SLC9B2: variants seen among roughly 807,000 people sequenced by gnomAD.
SLC9B2 encodes sodium/hydrogen exchanger 9B2.
A neutral mutation model predicts 52.2 loss-of-function variants in SLC9B2; 39 were observed. The ratio of observed to expected loss-of-function variants is 0.75; its 90% confidence interval spans 0.58 to 0.98. The LOEUF is 0.98. Among genes scored for constraint, SLC9B2 ranks in the 50% least tolerant of loss-of-function variants. SLC9B2 has a pLI of 0.00. For synonymous variants in SLC9B2, 214 were observed against 227.0 expected, an observed-to-expected ratio of 0.94 and a Z score of 0.51; for missense variants, 626 against 637.5, an observed-to-expected ratio of 0.98 and a Z score of 0.19.
chr4:103,066,973 A>T (rs7667567), intron 2 of SLC9B2, among the ~76,000 whole-genome samples: 47 of 152,006 alleles, frequency 3.1e-4, no homozygotes, highest in African/African-American at 9.6e-4. Context: ...ATATCTCATT[A>T]GGTGCATGCA....
At chr4:103,051,411 A>G (rs564639150) in intron 4 of SLC9B2, among the ~76,000 whole-genome samples, 97 of 152,306 alleles carry the variant, frequency 6.4e-4, no homozygotes, top group Non-Finnish European at 1.2e-3. Context: ...TTATTTTGTG[A>G]TGCAAGATGG....
chr4:103,018,607 C>A (rs1741533357), downstream of SLC9B2, among the ~76,000 whole-genome samples: 1 of 152,154 alleles, frequency 6.6e-6, no homozygotes, highest in South Asian at 2.1e-4. Context: ...CCACCTGGGC[C>A]AGTTGTCTCC....
Position 103,043,362 on chromosome 4 carries a change from A to G in SLC9B2, c.1080T>C (p.Pro360=). ...CCAACGTGCACAGTCCTCCTGATCC[A>G]GGGAAACCAAAATGCACACTGCTGA... The part of the protein sequence containing the change: ...AVFSSVHFGF[P]GSGGLCTLVM... Residue 360 remains proline, a synonymous_variant, in exon 9 of 12, where the codon CCT becomes CCC. Transcript: ENST00000394785. The G allele has an allele frequency of 6.2e-7, 1 of 1,613,932 alleles. No homozygotes were observed. Among genetic ancestry groups the G allele is most frequent in the Non-Finnish European group, 8.5e-7 (1 of 1,179,924 alleles).
intron 3 of SLC9B2, among the ~76,000 whole-genome samples, chr4:103,058,469 C>G (rs1745348404): frequency 6.6e-6 from 1 of 152,238 alleles, no homozygotes; most frequent in South Asian, 2.1e-4. Context: ...ACAATCATGG[C>G]TCACTACAGC....
At chr4:103,021,314 G>A (rs1741777018), downstream of SLC9B2, among the ~76,000 whole-genome samples, 1 of 152,086 alleles carries the variant, frequency 6.6e-6, no homozygotes, top group Non-Finnish European at 1.5e-5. Context: ...GCTCAGGCTG[G>A]ATTTGAGTCA....
chr4:103,049,499 TA>T (rs1348382270), intron 5 of SLC9B2, among the ~76,000 whole-genome samples: 4 of 152,136 alleles, frequency 2.6e-5, no homozygotes, highest in Non-Finnish European at 4.4e-5. Context: ...AAAAAAGCAT[TA>T]AAAAGGCATA....
intron 9 of SLC9B2, among the ~76,000 whole-genome samples, chr4:103,039,776 A>G (rs566593349): frequency 6.6e-6 from 1 of 151,120 alleles, no homozygotes; most frequent in Non-Finnish European, 1.5e-5. Flanking sequence ...CCTCCCGAGT[A>G]GCTGGGACTA....
intron 8 of SLC9B2, among the ~76,000 whole-genome samples, chr4:103,043,704 T>G (rs1336080491): frequency 1.3e-5 from 2 of 152,136 alleles, no homozygotes; most frequent in African/African-American, 4.8e-5. Context: ...CAGCACTTAA[T>G]GAAGTAGCAG....
chr4:103,049,126 G>A (rs1452377504), intron 5 of SLC9B2, 106 bp from the exon 6 acceptor site: 1 of 1,302,016 alleles, frequency 7.7e-7, no homozygotes, highest in African/African-American at 1.5e-5. Flanking sequence ...GGGTCATCAT[G>A]AGTTTTCAAG....
chr4:103,047,098 A>G lies in SLC9B2; in HGVS notation c.842T>C (p.Leu281Pro). 1 of 1,614,076 alleles carries G rather than the reference A, an allele frequency of 6.2e-7. No individual in the cohort carries two copies. The highest frequency in any genetic ancestry group is 8.5e-7 in the Non-Finnish European group (1 of 1,179,950). Reference sequence around the variant, plus strand: ...GCATGTGTTGAAGCCAGTGATGGCCAGAATGTCATCGAAGCTGCCAGCTGC... The same window carrying G: ...GCATGTGTTGAAGCCAGTGATGGCCGGAATGTCATCGAAGCTGCCAGCTGC... ...LMAAGSFDDI[L>P]AITGFNTCLG... The change falls in exon 7 of 12, where the codon CTG (leucine) becomes CCG (proline). Residue 281 changes from leucine to proline, a missense_variant. Physicochemically the swap from Leu to Pro is moderately conservative, Grantham distance 98. Transcript: ENST00000394785.
rs1222420786 is a variant in SLC9B2, at chr4:103,043,448, T to C, written c.997-3A>G. On this transcript the variant is annotated splice_region_variant and splice_polypyrimidine_tract_variant and intron_variant, in intron 8 of 11. Transcript: ENST00000394785. ...GTTCTCTTACACACAAGTTTGTCCT[T>C]TAGGAGAAAAAAATTCATTTGCTCA... is the stretch of plus-strand genomic sequence containing the variant. The C allele has an allele frequency of 6.3e-7, 1 of 1,585,976 alleles. No individual in the cohort carries two copies. Among genetic ancestry groups the C allele is most frequent in the African/African-American group, 1.4e-5 (1 of 73,616 alleles).
chr4:103,063,731 A>C (rs2110653289), intron 3 of SLC9B2, among the ~76,000 whole-genome samples: 1 of 152,356 alleles, frequency 6.6e-6, no homozygotes, highest in African/African-American at 2.4e-5. Context: ...TTTGCACAGT[A>C]AACAATCCAC....
rs965190119 is a variant in SLC9B2 at position 103,076,267 on chromosome 4, G to C, written c.-126C>G. ...GGGGGAGGCGGCGGAGCCCGGTCTA[G>C]CCACCGCGCTCTGGGGTTCCCGATT... On this transcript the variant is annotated 5_prime_UTR_variant, in exon 1 of 12. Coordinates refer to ENST00000394785, the MANE Select transcript of SLC9B2 (RefSeq NM_178833.7). The C allele has an allele frequency of 2.6e-5, 4 of 152,564 alleles. No homozygotes were observed. The highest frequency in any genetic ancestry group is 9.6e-5 in the African/African-American group (4 of 41,484). The allele number at this position is 152,564 out of a possible 1,614,324, so 9.5% of individuals were successfully genotyped here. A position where few individuals can be genotyped will look rare whatever the true frequency, so the allele number is the denominator to read the frequency against.
At chr4:103,042,126 C>T (rs1743697342) in intron 9 of SLC9B2, 1 of 151,936 alleles carries the variant, frequency 6.6e-6, no homozygotes, top group Non-Finnish European at 1.5e-5. Context: ...GTTATTTACC[C>T]ACAGTGAATG....
rs1742011589 is a variant in SLC9B2, at chr4:103,024,165, A to G, written c.*2205T>C. On this transcript the variant is annotated 3_prime_UTR_variant, in exon 12 of 12. Coordinates refer to ENST00000394785, the MANE Select transcript of SLC9B2 (RefSeq NM_178833.7). ...TCTTGTTTAACTGTCTGTTTTCTCT[A>G]TTGGACTGTTAAATCCTTAAGGACA... 6.6e-6 allele frequency among the ~76,000 whole-genome samples: 1 copy of G among 152,140 alleles called. No homozygotes were observed. Among genetic ancestry groups the G allele is most frequent in the African/African-American group, 2.4e-5 (1 of 41,430 alleles).
At chr4:103,057,174 T>C (rs1745198945) in intron 4 of SLC9B2, among the ~76,000 whole-genome samples, 1 of 151,116 alleles carries the variant, frequency 6.6e-6, no homozygotes, top group Non-Finnish European at 1.5e-5. Flanking sequence ...TGAGGGGAAA[T>C]AGACTAAAAC....
At chr4:103,068,718 G>A (rs941054508) in intron 1 of SLC9B2, among the ~76,000 whole-genome samples, 6 of 152,106 alleles carry the variant, frequency 3.9e-5, no homozygotes, top group Non-Finnish European at 7.4e-5. Context: ...AGTAGAATGA[G>A]TATCTTGATA....
chr4:103,068,090 C>T (rs1304567928), intron 1 of SLC9B2, among the ~76,000 whole-genome samples: 2 of 152,154 alleles, frequency 1.3e-5, no homozygotes, highest in Non-Finnish European at 2.9e-5. Context: ...ACTGAGTAGC[C>T]AGAATGTCTC....
downstream of SLC9B2, chr4:103,019,931 C>G (rs1741671904): frequency 2.0e-6 from 2 of 987,190 alleles, no homozygotes; most frequent in Middle Eastern, 5.1e-4. Context: ...GCATTTTAGC[C>G]AAAAAGCAGT....
Sources: gnomAD v4.1 joint callset for allele counts (sites outside exome capture counted in the v4.1 genomes callset) on GRCh38, gnomAD v4.1.1 for gene constraint, MANE v1.5 for transcripts, NCBI Gene and HGNC (gene_info 2026-07-23, HGNC 2026-07-21) for gene names.